CSMD1: variants seen among roughly 807,000 people sequenced by gnomAD.
CSMD1 encodes the protein CUB and sushi domain-containing protein 1.
In CSMD1, 213 loss-of-function variants were observed where a neutral mutation model predicts 417.5. That is an observed-to-expected ratio of 0.51 (90% confidence interval 0.46 to 0.57). The LOEUF (loss-of-function observed/expected upper bound fraction) is 0.57. Among genes scored for constraint, CSMD1 ranks in the 20% least tolerant of loss-of-function variants. The pLI, the probability that CSMD1 is intolerant of heterozygous loss-of-function variation, is 0.00. For missense variants in CSMD1, 6,923 were observed against 4,529.7 expected, an observed-to-expected ratio of 1.53 and a Z score of -15.17; for synonymous variants, 2,862 against 1,736.8, an observed-to-expected ratio of 1.65 and a Z score of -16.11.
In CSMD1 at chr8:3,250,066, A is replaced by C. The variant is rs193273350; in HGVS notation, c.4154-19835T>G. Among the ~76,000 whole-genome samples the C allele has an allele frequency of 3.1e-3, 478 of 152,300 alleles. 1 individual carries two copies. The highest frequency in any genetic ancestry group is 4.9e-3 in the Non-Finnish European group (334 of 68,008). On this transcript the variant is annotated intron_variant, in intron 26 of 69. Coordinates refer to ENST00000635120, the MANE Select transcript of CSMD1 (RefSeq NM_033225.6). ...ACCAAGTACATATTTTTGTTTATTT[A>C]TTTTTAATTATACTTTGTTTTAGGG...
chr8:4,188,863 T>C (rs572638810), intron 3 of CSMD1, among the ~76,000 whole-genome samples: 1 of 152,166 alleles, frequency 6.6e-6, no homozygotes, highest in South Asian at 2.1e-4. Flanking sequence ...GTTTCTGCAT[T>C]TGTTATTGGG....
At chr8:3,174,918 A>G (rs542759961) in intron 37 of CSMD1, among the ~76,000 whole-genome samples, 2 of 152,204 alleles carry the variant, frequency 1.3e-5, no homozygotes, top group African/African-American at 4.8e-5. Context: ...TTGACTATGT[A>G]TTTTTTGAGT....
chr8:4,372,618 A>G (rs1469391312), intron 3 of CSMD1, among the ~76,000 whole-genome samples: 1 of 132,626 alleles, frequency 7.5e-6, no homozygotes, highest in Non-Finnish European at 1.6e-5. Flanking sequence ...ACTGTCAGAA[A>G]GTAAGGAAGT....
chr8:4,299,913 G>A lies in CSMD1; in HGVS notation c.415+120040C>T, dbSNP rs185145553. On this transcript the variant is annotated intron_variant, in intron 3 of 69. Transcript: ENST00000635120. ...CAAACTGCTAGGATTACAGGTATAA[G>A]CCACTGCGCCCGGCCCAGACACTAT... 1.6e-4 allele frequency among the ~76,000 whole-genome samples: 25 copies of A among 152,252 alleles called. 1 individual carries two copies. Among genetic ancestry groups the A allele is most frequent in the Admixed American group, 1.6e-3 (25 of 15,282 alleles).
At chr8:3,946,465 A>G (rs1260216575) in intron 5 of CSMD1, among the ~76,000 whole-genome samples, 2 of 152,146 alleles carry the variant, frequency 1.3e-5, no homozygotes, top group Non-Finnish European at 2.9e-5. Context: ...CGTATTATGT[A>G]AGTCCTCCCA....
chr8:4,334,505 C>T (rs905444679), intron 3 of CSMD1, among the ~76,000 whole-genome samples: 6 of 152,146 alleles, frequency 3.9e-5, no homozygotes, highest in African/African-American at 1.4e-4. Flanking sequence ...CTTACCAGTC[C>T]CTATAAATGC....
intron 5 of CSMD1, among the ~76,000 whole-genome samples, chr8:3,967,160 G>C (rs1340362163): frequency 1.3e-5 from 2 of 151,212 alleles, no homozygotes; most frequent in African/African-American, 4.8e-5. Flanking sequence ...TACTTAAAAT[G>C]TTTATGTATT....
intron 2 of CSMD1, among the ~76,000 whole-genome samples, chr8:4,424,568 T>G (rs1004556787): frequency 1.3e-5 from 2 of 152,036 alleles, no homozygotes; most frequent in African/African-American, 4.8e-5. Flanking sequence ...GGCTAGAACG[T>G]GGAGAAAATT....
chr8:3,633,835 T>C (rs188323007), intron 7 of CSMD1, among the ~76,000 whole-genome samples: 52 of 152,306 alleles, frequency 3.4e-4, no homozygotes, highest in African/African-American at 1.2e-3. Flanking sequence ...CTATGAAGTG[T>C]TAAATATCAG....
chr8:4,870,055 C>T (rs1802644796), intron 1 of CSMD1, among the ~76,000 whole-genome samples: 1 of 152,066 alleles, frequency 6.6e-6, no homozygotes, highest in Admixed American at 6.6e-5. Context: ...ACCAGAACCG[C>T]AGACTTCAAG....
intron 2 of CSMD1, among the ~76,000 whole-genome samples, chr8:4,543,442 A>T (rs1750908293): frequency 1.3e-5 from 2 of 152,116 alleles, no homozygotes; most frequent in Non-Finnish European, 2.9e-5. Flanking sequence ...TGTGCAGTTA[A>T]GTTTCCTCCA....
In CSMD1 at chr8:4,118,687, T is replaced by C. The variant is rs183844776; in HGVS notation, c.416-86588A>G. On this transcript the variant is annotated intron_variant, in intron 3 of 69. Coordinates refer to ENST00000635120, the MANE Select transcript of CSMD1 (RefSeq NM_033225.6). ...ACCATTGTGGAAGACAGTGTGGTGA[T>C]TGCTCAAGGATCTAGAACTAGAAAT... 1.4e-4 allele frequency among the ~76,000 whole-genome samples: 21 copies of C among 152,300 alleles called. No individual in the cohort carries two copies. The East Asian group carries it at 2.7e-3, about 20-fold the overall frequency.
intron 4 of CSMD1, among the ~76,000 whole-genome samples, chr8:4,015,984 C>T (rs1264382050): frequency 1.3e-5 from 2 of 152,160 alleles, no homozygotes; most frequent in Non-Finnish European, 2.9e-5. Context: ...TAGAAAAGCA[C>T]CAAGTCAGAG....
chr8:4,305,878 G>C (rs940576217), intron 3 of CSMD1, among the ~76,000 whole-genome samples: 8 of 152,128 alleles, frequency 5.3e-5, no homozygotes, highest in Admixed American at 1.3e-4. Flanking sequence ...GCTTACGTGT[G>C]TATATGCAAT....
At chr8:3,937,115 C>T (rs2554650) in intron 5 of CSMD1, among the ~76,000 whole-genome samples, 120,872 of 152,138 alleles carry the variant, frequency 0.79, 48,145 homozygotes, top group African/African-American at 0.82. Context: ...TCTTAATGGA[C>T]GAGGAGCTGC....
At chr8:4,556,072 G>A (rs551908169) in intron 2 of CSMD1, among the ~76,000 whole-genome samples, 214 of 151,778 alleles carry the variant, frequency 1.4e-3, no homozygotes, top group Non-Finnish European at 1.4e-3. Flanking sequence ...TAAATTTCTC[G>A]AATTTACTTA....
chr8:4,431,966 G>A (rs751357012), intron 2 of CSMD1, among the ~76,000 whole-genome samples: 3 of 152,064 alleles, frequency 2.0e-5, no homozygotes, highest in Non-Finnish European at 4.4e-5. Flanking sequence ...AAAAGCCACG[G>A]CAGTAACTTA....
At chr8:3,733,751 C>G (rs1447298105) in intron 6 of CSMD1, among the ~76,000 whole-genome samples, 1 of 152,012 alleles carries the variant, frequency 6.6e-6, no homozygotes, top group Non-Finnish European at 1.5e-5. Flanking sequence ...TTCAAGTAAC[C>G]CTTATTTTAC....
Position 4,980,451 on chromosome 8 carries a change from G to C in CSMD1, c.85+13881C>G, listed in dbSNP as rs148000794. ...AGGAAGGAGTTTGTCAGGCGAGGAG[G>C]CTTTCAAGAGGCCTGTGGGCCTCCT... On this transcript the variant is annotated intron_variant, in intron 1 of 69. Coordinates refer to ENST00000635120, the MANE Select transcript of CSMD1 (RefSeq NM_033225.6). 3.1e-3 allele frequency among the ~76,000 whole-genome samples: 465 copies of C among 152,326 alleles called. 5 individuals carry two copies. The highest frequency in any genetic ancestry group is 0.011 in the African/African-American group (440 of 41,570).
Sources: allele counts gnomAD v4.1 joint callset (sites outside exome capture counted in the v4.1 genomes callset), GRCh38; gene constraint gnomAD v4.1.1; transcripts MANE v1.5; gene names NCBI Gene and HGNC (gene_info 2026-07-23, HGNC 2026-07-21).